PRDM5: variants seen among roughly 807,000 people sequenced by gnomAD.
The protein encoded by PRDM5 is PR domain zinc finger protein 5.
A neutral mutation model predicts 81.2 loss-of-function variants in PRDM5; 56 were observed. That is an observed-to-expected ratio of 0.69 (90% CI 0.56 to 0.86). The LOEUF is 0.86. Among genes scored for constraint, PRDM5 ranks in the 40% least tolerant of loss-of-function variants. The pLI, the probability that PRDM5 is intolerant of heterozygous loss-of-function variation, is 0.00. For synonymous variants in PRDM5, 267 were observed against 256.4 expected (o/e 1.04, Z -0.39); for missense variants, 697 against 770.1 (o/e 0.91, Z 1.12).
At chr4:120,880,788 T>C (rs1054969912) in intron 2 of PRDM5, among the ~76,000 whole-genome samples, 1 of 152,164 alleles carries the variant, frequency 6.6e-6, no homozygotes, top group East Asian at 1.9e-4. Context: ...TACATCTACA[T>C]TGACAAAGCT....
At chr4:120,779,908 T>TCAAACAAA (rs113762671) in intron 12 of PRDM5, among the ~76,000 whole-genome samples, 18 of 151,548 alleles carry the variant, frequency 1.2e-4, no homozygotes, top group African/African-American at 4.1e-4. Flanking sequence ...AGACTCTGAC[T>TCAAACAAA]CAAACAAACA....
chr4:120,727,388 G>A (rs1434048195), intron 14 of PRDM5, among the ~76,000 whole-genome samples: 1 of 152,178 alleles, frequency 6.6e-6, no homozygotes, highest in African/African-American at 2.4e-5. Flanking sequence ...ATGGAATTCA[G>A]TGTAATGCAG....
chr4:120,868,884 T>C (rs1168146693), intron 2 of PRDM5, among the ~76,000 whole-genome samples: 2 of 152,186 alleles, frequency 1.3e-5, no homozygotes, highest in Non-Finnish European at 2.9e-5. Flanking sequence ...TCCATACTTA[T>C]GAATATTATA....
intron 8 of PRDM5, among the ~76,000 whole-genome samples, chr4:120,809,726 A>T (rs544340356): frequency 6.6e-6 from 1 of 152,372 alleles, no homozygotes; most frequent in Non-Finnish European, 1.5e-5. Flanking sequence ...TCTATTAGAC[A>T]TTAGACATTC....
At chr4:120,749,453 G>A (rs1317324749) in intron 14 of PRDM5, among the ~76,000 whole-genome samples, 1 of 152,132 alleles carries the variant, frequency 6.6e-6, no homozygotes, top group Non-Finnish European at 1.5e-5. Flanking sequence ...GCCCCCAGGT[G>A]GCACAGACAA....
intron 8 of PRDM5, among the ~76,000 whole-genome samples, chr4:120,806,220 C>A (rs966748358): frequency 6.6e-6 from 1 of 152,132 alleles, no homozygotes; most frequent in Non-Finnish European, 1.5e-5. Flanking sequence ...AATGGAAGAA[C>A]GTTCCATGCT....
intron 8 of PRDM5, among the ~76,000 whole-genome samples, chr4:120,810,015 A>G (rs1412935216): frequency 6.6e-6 from 1 of 152,172 alleles, no homozygotes; most frequent in Admixed American, 6.5e-5. Context: ...GCTCTCACTG[A>G]TTCTATATTA....
chr4:120,755,025 T>C (rs529457108), intron 13 of PRDM5, among the ~76,000 whole-genome samples: 1 of 152,392 alleles, frequency 6.6e-6, no homozygotes, highest in African/African-American at 2.4e-5. Context: ...ATTATTTAAC[T>C]GATTCATTGA....
At chr4:120,777,537 A>T (rs1429071379) in intron 12 of PRDM5, among the ~76,000 whole-genome samples, 1 of 152,130 alleles carries the variant, frequency 6.6e-6, no homozygotes, top group East Asian at 1.9e-4. Flanking sequence ...TGGAGCCCCA[A>T]CTAAAAATGA....
chr4:120,761,193 G>A (rs965333661), intron 13 of PRDM5, among the ~76,000 whole-genome samples: 2 of 152,096 alleles, frequency 1.3e-5, no homozygotes, highest in African/African-American at 4.8e-5. Flanking sequence ...AATGTGTGTG[G>A]GGAATATTCA....
chr4:120,840,586 C>G (rs1160866216), intron 3 of PRDM5, among the ~76,000 whole-genome samples: 1 of 152,172 alleles, frequency 6.6e-6, no homozygotes, highest in Non-Finnish European at 1.5e-5. Flanking sequence ...AGCTCCGTGA[C>G]CCAGGCCCAG....
intron 14 of PRDM5, among the ~76,000 whole-genome samples, chr4:120,743,990 C>T (rs1203099455): frequency 6.6e-6 from 1 of 151,958 alleles, no homozygotes; most frequent in African/African-American, 2.4e-5. Flanking sequence ...TTTTTCAGCA[C>T]CACACCACAC....
chr4:120,869,583 T>C (rs573401890), intron 2 of PRDM5, among the ~76,000 whole-genome samples: 2 of 152,292 alleles, frequency 1.3e-5, no homozygotes, highest in African/African-American at 4.8e-5. Context: ...TGTCCTCACA[T>C]TTAATTTAGT....
chr4:120,917,382 C>A (rs896123341), intron 1 of PRDM5, among the ~76,000 whole-genome samples: 76 of 151,962 alleles, frequency 5.0e-4, no homozygotes, highest in Non-Finnish European at 1.3e-4. Flanking sequence ...ACACACACAC[C>A]CACACACCTT....
chr4:120,804,050 C>T (rs917065818), intron 8 of PRDM5, among the ~76,000 whole-genome samples: 1 of 152,076 alleles, frequency 6.6e-6, no homozygotes, highest in East Asian at 1.9e-4. Context: ...GGGTTGCAAT[C>T]CTAGTCTCTG....
chr4:120,851,769 T>C (rs1759300965), intron 3 of PRDM5, among the ~76,000 whole-genome samples: 1 of 152,216 alleles, frequency 6.6e-6, no homozygotes, highest in South Asian at 2.1e-4. Flanking sequence ...CTTGCTACTG[T>C]TGATTTTATA....
At chr4:120,889,657 G>C (rs1763828408) in intron 2 of PRDM5, among the ~76,000 whole-genome samples, 1 of 152,004 alleles carries the variant, frequency 6.6e-6, no homozygotes, top group Non-Finnish European at 1.5e-5. Flanking sequence ...TACACGGTTT[G>C]GTATACAGAT....
At chr4:120,739,017 C>G (rs373244252) in intron 14 of PRDM5, among the ~76,000 whole-genome samples, 1 of 152,136 alleles carries the variant, frequency 6.6e-6, no homozygotes, top group African/African-American at 2.4e-5. Flanking sequence ...TTGGCTGCAG[C>G]TGAAGTTATC....
chr4:120,756,747 T>A (rs1005625185), intron 13 of PRDM5, among the ~76,000 whole-genome samples: 4 of 152,234 alleles, frequency 2.6e-5, no homozygotes, highest in African/African-American at 9.6e-5. Context: ...TTTTTAGATT[T>A]TCAAAGTTTA....
Sources: allele counts gnomAD v4.1 joint callset (sites outside exome capture counted in the v4.1 genomes callset), GRCh38; gene constraint gnomAD v4.1.1; transcripts MANE v1.5; gene names NCBI Gene and HGNC (gene_info 2026-07-23, HGNC 2026-07-21).